The following TEX14 variants were observed in gnomAD, a reference collection of about 807,000 sequenced individuals.
The protein encoded by TEX14 is inactive serine/threonine-protein kinase TEX14.
Under a neutral mutation model 178.6 loss-of-function variants are expected in TEX14, and 168 were observed. The observed-to-expected ratio is 0.94, with a 90% CI of 0.83 to 1.07. The LOEUF is 1.07. Ranked by LOEUF, TEX14 falls within the 50% of genes least tolerant of loss-of-function variation. The pLI is 0.00. For missense variants in TEX14, 1,730 were observed against 1,753.6 expected (o/e 0.99, Z 0.24); for synonymous variants, 626 against 634.1 (o/e 0.99, Z 0.19).
intron 19 of TEX14, among the ~76,000 whole-genome samples, chr17:58,583,981 C>G (rs1567718713): frequency 6.6e-6 from 1 of 152,244 alleles, no homozygotes; most frequent in South Asian, 2.1e-4. Context: ...TGCGCTATGG[C>G]CTAGAGTGTG....
chr17:58,569,357 T>A lies in TEX14; in HGVS notation c.3818-97A>T, dbSNP rs2144354398. ...TCTCACATAGACTTGACTGAGGATT[T>A]CTCTCAATGATGAAACAAACTAAGG... On this transcript the variant is annotated intron_variant, in intron 25 of 31. Coordinates refer to ENST00000349033, the MANE Select transcript of TEX14 (RefSeq NM_031272.5). This position sits in a 1 kb window ranked among gnomAD's most constrained non-coding sequence, Gnocchi z 4.1. The A allele has an allele frequency of 1.1e-6, 1 of 880,404 alleles. No individual in the cohort carries two copies. The highest frequency in any genetic ancestry group is 1.7e-5 in the African/African-American group (1 of 59,610). The allele number at this position is 880,404 out of a possible 1,614,324, so 54.5% of individuals were successfully genotyped here. A position where few individuals can be genotyped will look rare whatever the true frequency, so the allele number is the denominator to read the frequency against.
rs540203305 is a variant in TEX14 at position 58,573,126 on chromosome 17, A to T, written c.3511+55T>A. 75 of 1,597,984 alleles carry T rather than the reference A, an allele frequency of 4.7e-5. No individual in the cohort carries two copies. In the African/African-American group the frequency reaches 9.3e-4, roughly 20 times the overall value. On this transcript the variant is annotated intron_variant, in intron 23 of 31. Coordinates refer to ENST00000349033, the MANE Select transcript of TEX14 (RefSeq NM_031272.5). ...TACCACGGCTTGGCTTCCCAGAGACAATGGGCTGGGGCTGTAAGTCCTTCT... is the reference window on the plus strand; with the variant it reads ...TACCACGGCTTGGCTTCCCAGAGACTATGGGCTGGGGCTGTAAGTCCTTCT...
At chr17:58,594,632 C>T (rs765640251) in intron 14 of TEX14, among the ~76,000 whole-genome samples, 1 of 152,040 alleles carries the variant, frequency 6.6e-6, no homozygotes, top group African/African-American at 2.4e-5. Flanking sequence ...GGATTACAGG[C>T]GTGAGACACC....
chr17:58,638,854 C>CTTTTTTT (rs1210311633), intron 2 of TEX14, among the ~76,000 whole-genome samples: 1 of 75,094 alleles, frequency 1.3e-5, no homozygotes, highest in African/African-American at 6.0e-5. Context: ...GACTATTATT[C>CTTTTTTT]TTTTTTTTTT....
intron 3 of TEX14, among the ~76,000 whole-genome samples, chr17:58,625,556 A>G (rs1001982314): frequency 3.3e-5 from 5 of 152,268 alleles, no homozygotes; most frequent in Non-Finnish European, 5.9e-5. Context: ...ATTTATACCC[A>G]GCTAAGCTTA....
intron 5 of TEX14, among the ~76,000 whole-genome samples, chr17:58,619,388 G>C (rs1035808175): frequency 2.0e-5 from 3 of 152,204 alleles, no homozygotes; most frequent in African/African-American, 7.2e-5. Context: ...TCAACTCAGT[G>C]CTTTTCTTCT....
chr17:58,623,605 C>T (rs2046055265), intron 3 of TEX14, among the ~76,000 whole-genome samples: 2 of 152,208 alleles, frequency 1.3e-5, no homozygotes, highest in African/African-American at 2.4e-5. Context: ...AAGGGACAGC[C>T]TTTAATGTGT....
intron 15 of TEX14, among the ~76,000 whole-genome samples, 174 bp from the exon 16 acceptor site, chr17:58,588,195 A>G (rs1394191745): frequency 1.3e-5 from 2 of 152,224 alleles, no homozygotes; most frequent in Non-Finnish European, 2.9e-5. Context: ...CCTCCCCTGC[A>G]AATGCCACAA....
intron 2 of TEX14, among the ~76,000 whole-genome samples, chr17:58,646,163 T>C (rs2046702527): frequency 6.6e-6 from 1 of 152,106 alleles, no homozygotes; most frequent in Non-Finnish European, 1.5e-5. Context: ...GAAAAAACAA[T>C]GTAAAGAGGT....
intron 1 of TEX14, among the ~76,000 whole-genome samples, chr17:58,688,876 T>C (rs1180364281): frequency 6.6e-6 from 1 of 152,180 alleles, no homozygotes; most frequent in East Asian, 1.9e-4. Flanking sequence ...CATACTTTTC[T>C]CTTAAATTTT....
At chr17:58,625,963 T>C (rs913498388) in intron 3 of TEX14, among the ~76,000 whole-genome samples, 1 of 151,734 alleles carries the variant, frequency 6.6e-6, no homozygotes, top group African/African-American at 2.4e-5. Context: ...TTGACAAGGA[T>C]GGTCTCGATC....
intron 1 of TEX14, among the ~76,000 whole-genome samples, chr17:58,681,836 CTT>C (rs942061231): frequency 2.6e-5 from 4 of 151,592 alleles, no homozygotes; most frequent in African/African-American, 7.3e-5. Context: ...GCAGGAAACT[CTT>C]GTCTCAAACA....
At chr17:58,641,177 G>A (rs749994234) in intron 2 of TEX14, among the ~76,000 whole-genome samples, 1 of 152,070 alleles carries the variant, frequency 6.6e-6, no homozygotes, top group African/African-American at 2.4e-5. Context: ...TTGGGAGGCC[G>A]AGGCTGGAGG....
chr17:58,572,652 A>G (rs2044564047), intron 23 of TEX14, among the ~76,000 whole-genome samples: 1 of 151,408 alleles, frequency 6.6e-6, no homozygotes, highest in Non-Finnish European at 1.5e-5. Flanking sequence ...AAAAAAAAAA[A>G]TTACTGAAAC....
intron 1 of TEX14, among the ~76,000 whole-genome samples, chr17:58,670,771 TTAAAAAAAAA>T (rs1425361334): frequency 3.8e-4 from 3 of 7,954 alleles, no homozygotes; most frequent in East Asian, 5.4e-3. Flanking sequence ...AGACTCCCTC[TTAAAAAAAAA>T]AAAAAAAAAA....
intron 1 of TEX14, among the ~76,000 whole-genome samples, chr17:58,684,066 T>A (rs777488746): frequency 1.3e-5 from 2 of 151,550 alleles, no homozygotes; most frequent in African/African-American, 4.9e-5. Flanking sequence ...GACCTACATA[T>A]ATAAAAGTAT....
intron 1 of TEX14, chr17:58,661,597 C>T (rs1011601294): frequency 7.0e-6 from 5 of 719,280 alleles, no homozygotes; most frequent in Non-Finnish European, 1.3e-5. Context: ...CAGCAGCTGC[C>T]ATCTTGGGAA....
chr17:58,578,243 G>A (rs1487449005), intron 20 of TEX14, among the ~76,000 whole-genome samples: 1 of 152,114 alleles, frequency 6.6e-6, no homozygotes, highest in Non-Finnish European at 1.5e-5. Flanking sequence ...AGAGACATTG[G>A]GGGTTCCTCT....
chr17:58,687,905 T>C (rs2047628141), intron 1 of TEX14, among the ~76,000 whole-genome samples: 1 of 152,150 alleles, frequency 6.6e-6, no homozygotes, highest in South Asian at 2.1e-4. Flanking sequence ...TGATAGATTA[T>C]AAGCTCCATG....
Sources: gnomAD v4.1 joint callset for allele counts (sites outside exome capture counted in the v4.1 genomes callset) on GRCh38, gnomAD v4.1.1 for gene constraint, Gnocchi (gnomAD v3.1) non-coding constraint, MANE v1.5 for transcripts, NCBI Gene and HGNC (gene_info 2026-07-23, HGNC 2026-07-21) for gene names.